PRELID2: variants seen among roughly 807,000 people sequenced by gnomAD.
The protein encoded by PRELID2 is PRELI domain-containing protein 2.
PRELID2 carries 25 observed loss-of-function variants against 28.4 expected under a neutral mutation model. The ratio of observed to expected loss-of-function variants is 0.88; its 90% CI spans 0.64 to 1.23. The LOEUF (loss-of-function observed/expected upper bound fraction) is 1.23, where lower values mean the gene tolerates loss of function less well. Ranked by LOEUF, PRELID2 falls within the 50% of genes most tolerant of loss-of-function variation. The pLI is 0.00. For missense variants in PRELID2, 201 were observed against 214.4 expected (o/e 0.94, Z 0.39); for synonymous variants, 76 against 71.6 (o/e 1.06, Z -0.31).
intron 1 of PRELID2, among the ~76,000 whole-genome samples, chr5:145,673,854 C>T (rs1754760519): frequency 6.6e-6 from 1 of 152,054 alleles, no homozygotes. Flanking sequence ...GTAAAATCCA[C>T]ATGAGAAAAA....
Position 145,702,072 on chromosome 5 carries a change from T to TAC in PRELID2, n.70+62857_70+62858dup, listed in dbSNP as rs1243684306. On this transcript the variant is annotated intron_variant and non_coding_transcript_variant, in intron 1 of 2. Coordinates refer to the PRELID2 transcript ENST00000510259. ...CTCAGGAAAAAAAAAAATATATATA[T>TAC]ACACACACACACATATATATATATT... Among the ~76,000 whole-genome samples the TAC allele has an allele frequency of 4.6e-4, 70 of 151,700 alleles. 1 individual carries two copies. Among genetic ancestry groups the TAC allele is most frequent in the African/African-American group, 8.2e-4 (34 of 41,434 alleles).
the PRELID2 span, among the ~76,000 whole-genome samples, chr5:145,248,135 A>G: frequency 6.6e-6 from 1 of 152,148 alleles, no homozygotes; most frequent in African/African-American, 2.4e-5. Context: ...CTTCAACAAA[A>G]TCATAAAGGT....
intron 5 of PRELID2, among the ~76,000 whole-genome samples, chr5:145,773,760 G>A (rs1170772073): frequency 1.3e-5 from 2 of 152,168 alleles, no homozygotes; most frequent in African/African-American, 4.8e-5. Context: ...CTATTCATCA[G>A]ACTTAAGCTC....
At chr5:145,782,616 T>C (rs1400564928) in intron 5 of PRELID2, among the ~76,000 whole-genome samples, 4 of 152,234 alleles carry the variant, frequency 2.6e-5, no homozygotes, top group African/African-American at 9.6e-5. Context: ...AATAGAATTA[T>C]AAAATGAAAT....
chr5:145,530,849 A>G lies in PRELID2; in HGVS notation n.71-57534T>C, dbSNP rs935211904. 2.0e-4 allele frequency among the ~76,000 whole-genome samples: 31 copies of G among 152,056 alleles called. 1 individual carries two copies. Among genetic ancestry groups the G allele is most frequent in the African/African-American group, 7.2e-4 (30 of 41,396 alleles). On this transcript the variant is annotated intron_variant and non_coding_transcript_variant, in intron 1 of 2. Transcript: ENST00000510259. The stretch of plus-strand genomic sequence containing the variant: ...CCCAAGGAGAAGCACAGACATCCTG[A>G]ACTAGAACCATGCCATGTAAGTAGG...
chr5:145,819,361 T>A, intron 3 of PRELID2: 1 of 1,570,164 alleles, frequency 6.4e-7, no homozygotes, highest in Non-Finnish European at 8.8e-7. Context: ...AGCAATGTGA[T>A]TAAAAATTTC....
the PRELID2 span, among the ~76,000 whole-genome samples, chr5:145,325,636 A>G: frequency 1.3e-5 from 2 of 152,176 alleles, no homozygotes; most frequent in African/African-American, 4.8e-5. Flanking sequence ...AAGACATTAC[A>G]TAGTTTACCC....
At chr5:145,699,627 G>T (rs1200216079) in intron 1 of PRELID2, among the ~76,000 whole-genome samples, 1 of 152,094 alleles carries the variant, frequency 6.6e-6, no homozygotes, top group African/African-American at 2.4e-5. Flanking sequence ...GTGTGACACT[G>T]GGGTATTTTT....
At chr5:145,270,796 A>G in the PRELID2 span, among the ~76,000 whole-genome samples, 1 of 152,110 alleles carries the variant, frequency 6.6e-6, no homozygotes, top group African/African-American at 2.4e-5. Flanking sequence ...ACATGTAAAT[A>G]ATGTCTAAAA....
intron 2 of PRELID2, among the ~76,000 whole-genome samples, chr5:145,820,716 GGGCATAA>G (rs1754724742): frequency 6.6e-6 from 1 of 152,254 alleles, no homozygotes; most frequent in South Asian, 2.1e-4. Context: ...TTCGACTGAG[GGGCATAA>G]GGCAGAAGGA....
intron 1 of PRELID2, among the ~76,000 whole-genome samples, chr5:145,602,601 C>A (rs1416308456): frequency 2.0e-5 from 3 of 151,810 alleles, no homozygotes; most frequent in African/African-American, 7.3e-5. Flanking sequence ...ACTATTTTAA[C>A]AGGAAACCAG....
At chr5:145,511,817 C>G (rs565985795) in intron 1 of PRELID2, among the ~76,000 whole-genome samples, 112 of 152,298 alleles carry the variant, frequency 7.4e-4, no homozygotes, top group African/African-American at 2.5e-3. Flanking sequence ...CATGAACATC[C>G]TCTATCTGCA....
At chr5:145,712,565 C>CT (rs1755723757) in intron 1 of PRELID2, among the ~76,000 whole-genome samples, 1 of 152,110 alleles carries the variant, frequency 6.6e-6, no homozygotes, top group Non-Finnish European at 1.5e-5. Flanking sequence ...AAGCAATACC[C>CT]TTTTTTAAGG....
At chr5:145,438,449 C>T in the PRELID2 span, among the ~76,000 whole-genome samples, 1 of 151,998 alleles carries the variant, frequency 6.6e-6, no homozygotes, top group Admixed American at 6.6e-5. Context: ...ACCTCTTTTC[C>T]CACTCCATGG....
chr5:145,822,759 G>A (rs1424344024), intron 2 of PRELID2, among the ~76,000 whole-genome samples: 5 of 152,006 alleles, frequency 3.3e-5, no homozygotes, highest in Non-Finnish European at 7.4e-5. Flanking sequence ...AAGAGTACCT[G>A]CCACATATTA....
chr5:145,229,351 G>A, the PRELID2 span: 8 of 741,720 alleles, frequency 1.1e-5, no homozygotes, highest in Admixed American at 1.2e-4. Context: ...CCAAGAACCT[G>A]TGGAGCATCG....
chr5:145,237,394 G>A, the PRELID2 span, among the ~76,000 whole-genome samples: 11 of 152,148 alleles, frequency 7.2e-5, no homozygotes, highest in Admixed American at 4.6e-4. Flanking sequence ...AGCTATATAT[G>A]CCTATGGCTG....
intron 1 of PRELID2, among the ~76,000 whole-genome samples, chr5:145,644,992 T>C (rs1443862122): frequency 3.9e-5 from 6 of 152,240 alleles, no homozygotes; most frequent in African/African-American, 1.2e-4. Context: ...GTATATTCTG[T>C]TGATTTGGGG....
At chr5:145,827,854 T>C (rs1755297939) in intron 1 of PRELID2, among the ~76,000 whole-genome samples, 2 of 152,148 alleles carry the variant, frequency 1.3e-5, no homozygotes, top group Non-Finnish European at 1.5e-5. Flanking sequence ...AATTGGATGC[T>C]AGACTGGAAA....
Sources: allele counts gnomAD v4.1 joint callset (sites outside exome capture counted in the v4.1 genomes callset), GRCh38; gene constraint gnomAD v4.1.1; transcripts MANE v1.5; gene names NCBI Gene and HGNC (gene_info 2026-07-23, HGNC 2026-07-21).